The following RAD52 variants were observed in gnomAD, a reference collection of about 807,000 sequenced individuals.
The protein encoded by RAD52 is RAD52 DNA repair protein.
Under a neutral mutation model 55.5 loss-of-function variants are expected in RAD52, and 47 were observed. The ratio of observed to expected loss-of-function variants is 0.85; its 90% CI spans 0.67 to 1.08. The LOEUF is 1.08. Among genes scored for constraint, RAD52 ranks in the 50% least tolerant of loss-of-function variants. The probability of loss-of-function intolerance (pLI) is 0.00; values close to 1 mark genes in which losing one functional copy is unlikely to be tolerated. For synonymous variants in RAD52, 184 were observed against 198.9 expected, an observed-to-expected ratio of 0.92 and a Z score of 0.63; for missense variants, 468 against 522.8, an observed-to-expected ratio of 0.90 and a Z score of 1.02.
At position 958,140 on chromosome 12, in the gene RAD52, G is replaced by A. The variant is rs746250744; in HGVS notation, c.-18-25064C>T. Among the ~76,000 whole-genome samples, 8 of 152,232 alleles carry A rather than the reference G, an allele frequency of 5.3e-5. No homozygotes were observed. In the South Asian group the frequency reaches 6.2e-4, roughly 12 times the overall value. Reference sequence around the variant, plus strand: ...TCTCCATGTGGGCCTCTCCGCAGACGGGATTTCTCAGGGTGCATGACTGAG... The same window carrying A: ...TCTCCATGTGGGCCTCTCCGCAGACAGGATTTCTCAGGGTGCATGACTGAG... On this transcript the variant is annotated intron_variant, in intron 1 of 11. Coordinates refer to the RAD52 transcript ENST00000430095.
intron 1 of RAD52, among the ~76,000 whole-genome samples, chr12:967,668 G>A (rs147276532): frequency 3.9e-5 from 6 of 152,060 alleles, no homozygotes; most frequent in Admixed American, 1.3e-4. Flanking sequence ...TCAGTGGCGC[G>A]ACCAAAGTTC....
upstream of RAD52, among the ~76,000 whole-genome samples, chr12:953,779 A>G (rs897607870): frequency 1.3e-5 from 2 of 152,220 alleles, no homozygotes; most frequent in Non-Finnish European, 2.9e-5. Context: ...CATGGTGTAC[A>G]TCCACCATAT....
chr12:942,792 C>G (rs1957989867), intron 1 of RAD52, among the ~76,000 whole-genome samples: 1 of 151,696 alleles, frequency 6.6e-6, no homozygotes, highest in Non-Finnish European at 1.5e-5. Flanking sequence ...AGATTATCTT[C>G]ACAGCCTGAA....
chr12:939,263 A>G (rs1592412172), intron 1 of RAD52, among the ~76,000 whole-genome samples: 1 of 151,692 alleles, frequency 6.6e-6, no homozygotes, highest in Non-Finnish European at 1.5e-5. Context: ...TGATCTTCCC[A>G]CCTCAGCCTC....
intron 1 of RAD52, among the ~76,000 whole-genome samples, chr12:988,435 C>T (rs1001216418): frequency 8.5e-5 from 13 of 152,108 alleles, no homozygotes; most frequent in African/African-American, 2.4e-4. Context: ...TCTGTTCATA[C>T]GTATGAGGCA....
Position 932,540 on chromosome 12 carries a change from T to C in RAD52, c.84+435A>G, listed in dbSNP as rs935896069. The stretch of plus-strand genomic sequence containing the variant: ...CTGGGTGGCATGCACACAGGGGCAA[T>C]AGGAAATAGGGAGATTTTCACAGTT... On this transcript the variant is annotated intron_variant, in intron 2 of 11. Coordinates refer to ENST00000358495, the MANE Select transcript of RAD52 (RefSeq NM_134424.4). 2.6e-5 allele frequency among the ~76,000 whole-genome samples: 4 copies of C among 151,324 alleles called. No individual in the cohort carries two copies. The East Asian group carries it at 5.8e-4, about 22-fold the overall frequency.
chr12:937,510 A>G (rs1168710677), intron 1 of RAD52, among the ~76,000 whole-genome samples: 5 of 151,110 alleles, frequency 3.3e-5, no homozygotes, highest in Non-Finnish European at 1.5e-5. Flanking sequence ...ACTGCAACCT[A>G]CACCTCCCAG....
At chr12:961,413 C>A (rs939536286) in intron 1 of RAD52, among the ~76,000 whole-genome samples, 1 of 151,478 alleles carries the variant, frequency 6.6e-6, no homozygotes, top group Non-Finnish European at 1.5e-5. Context: ...ATGTGTTGAA[C>A]CCCTAATGTC....
chr12:978,603 C>A (rs939889605), intron 1 of RAD52, among the ~76,000 whole-genome samples: 2 of 151,994 alleles, frequency 1.3e-5, no homozygotes, highest in Non-Finnish European at 2.9e-5. Flanking sequence ...GAGTTTGAGA[C>A]CAGTCTGGGC....
At chr12:948,507 A>G (rs919973680) in intron 1 of RAD52, among the ~76,000 whole-genome samples, 2 of 152,098 alleles carry the variant, frequency 1.3e-5, no homozygotes, top group South Asian at 2.1e-4. Context: ...TGAAAAATAC[A>G]AAGTAGCTGG....
Position 916,828 on chromosome 12 carries a change from G to T in RAD52, c.544-8C>A. 6.3e-7 allele frequency: 1 copy of T among 1,590,498 alleles called. No individual in the cohort carries two copies. Among genetic ancestry groups the T allele is most frequent in the Non-Finnish European group, 8.6e-7 (1 of 1,160,926 alleles). ...ATCCACTTCAAGAGGCAACTAGAAG[G>T]AAAGAAGAAAAACAAATTCCTTCAA... On this transcript the variant is annotated splice_region_variant and splice_polypyrimidine_tract_variant and intron_variant, in intron 7 of 11. Transcript: ENST00000358495.
At position 913,916 on chromosome 12, in the gene RAD52, A is replaced by C; in HGVS notation, c.1173T>G (p.Tyr391Ter). ...TACCTGTTGTGCGTTGGTCAGCGCTATAAGTTTGGAGGTCCCAAGATCCAG... is the reference window on the plus strand; with the variant it reads ...TACCTGTTGTGCGTTGGTCAGCGCTCTAAGTTTGGAGGTCCCAAGATCCAG... The part of the protein sequence containing the change: ...AKSGSWDLQT[Y>*]SADQRTTGNW... Residue 391 changes from tyrosine to a stop codon, truncating the protein, a stop_gained, in exon 11 of 12, where the codon TAT (tyrosine) becomes TAG (stop). Coordinates refer to ENST00000358495, the MANE Select transcript of RAD52 (RefSeq NM_134424.4). LOFTEE classifies it high-confidence loss of function. 1 of 1,614,136 alleles carries C rather than the reference A, an allele frequency of 6.2e-7. No homozygotes were observed. The highest frequency in any genetic ancestry group is 1.1e-5 in the South Asian group (1 of 91,082).
chr12:933,537 C>T (rs541223616), intron 1 of RAD52, among the ~76,000 whole-genome samples: 1 of 151,812 alleles, frequency 6.6e-6, no homozygotes, highest in South Asian at 2.1e-4. Context: ...CAATCCAGAA[C>T]AGAGTTCCTC....
At position 913,962 on chromosome 12, in the gene RAD52, T is replaced by C; in HGVS notation, c.1127A>G (p.His376Arg). 6.2e-7 allele frequency: 1 copy of C among 1,614,180 alleles called. No individual in the cohort carries two copies. Residue 376 changes from histidine to arginine, a missense_variant, in exon 11 of 12, where the codon CAC becomes CGC. By Grantham distance (29) the His-to-Arg change is conservative. Transcript: ENST00000358495. ...TCCAGATTTTGCTTGTGGTTTCTGG[T>C]GGCAAACGCTGTGTGGAGTCCTGTT... is the stretch of plus-strand genomic sequence containing the variant. Reference protein sequence around the residue: ...TQNRTPHSVCHQKPQAKSGSW... With the variant: ...TQNRTPHSVCRQKPQAKSGSW...
chr12:928,238 G>A (rs1416714884), intron 5 of RAD52, among the ~76,000 whole-genome samples: 1 of 152,202 alleles, frequency 6.6e-6, no homozygotes, highest in African/African-American at 2.4e-5. Context: ...TAGGCCGGGT[G>A]CGGTGGCTCA....
intron 7 of RAD52, among the ~76,000 whole-genome samples, chr12:917,024 T>C (rs1014678077): frequency 1.3e-5 from 2 of 152,178 alleles, no homozygotes; most frequent in Non-Finnish European, 2.9e-5. Context: ...AAGGAATCCT[T>C]CTTTGGTTTT....
At chr12:964,965 G>GGCTTCCTTCCTTCCTT (rs1555181837) in intron 1 of RAD52, among the ~76,000 whole-genome samples, 1 of 151,152 alleles carries the variant, frequency 6.6e-6, no homozygotes, top group Non-Finnish European at 1.5e-5. Flanking sequence ...CCGCCTGCCT[G>GGCTTCCTTCCTTCCTT]CCTTCCTTCC....
intron 1 of RAD52, among the ~76,000 whole-genome samples, chr12:972,044 T>C (rs950034431): frequency 6.6e-6 from 1 of 152,220 alleles, no homozygotes; most frequent in African/African-American, 2.4e-5. Flanking sequence ...AATCTCATTT[T>C]GGGAGTAGGT....
upstream of RAD52, among the ~76,000 whole-genome samples, chr12:951,768 CTTTT>C (rs1332921532): frequency 1.3e-5 from 2 of 149,714 alleles, no homozygotes; most frequent in African/African-American, 4.9e-5. Flanking sequence ...ACTTTTCTTT[CTTTT>C]TGTTTCTTAT....
Sources: allele counts gnomAD v4.1 joint callset (sites outside exome capture counted in the v4.1 genomes callset), GRCh38; gene constraint gnomAD v4.1.1; transcripts MANE v1.5; gene names NCBI Gene and HGNC (gene_info 2026-07-23, HGNC 2026-07-21).